Variants in MED26 observed in about 807,000 individuals in gnomAD.
MED26 encodes the protein mediator complex subunit 26, also known as mediator of RNA polymerase II transcription subunit 26.
MED26 carries 7 observed loss-of-function variants against 43.7 expected under a neutral mutation model. That is an observed-to-expected ratio of 0.16 (90% CI 0.09 to 0.30). The LOEUF (loss-of-function observed/expected upper bound fraction) is 0.30. MED26 is among the 10% of genes least tolerant of loss of function. MED26 has a pLI of 1.00. For missense variants in MED26, 784 were observed against 840.6 expected (o/e 0.93, Z 0.83); for synonymous variants, 375 against 371.1 (o/e 1.01, Z -0.12).
chr19:16,625,809 A>G (rs1232214557), intron 1 of MED26, among the ~76,000 whole-genome samples: 2 of 152,186 alleles, frequency 1.3e-5, no homozygotes, highest in Non-Finnish European at 2.9e-5. Flanking sequence ...CGGTCCTGTC[A>G]AATGGCCCAT....
intron 1 of MED26, among the ~76,000 whole-genome samples, chr19:16,613,343 C>T (rs538798643): frequency 8.5e-5 from 13 of 152,190 alleles, no homozygotes; most frequent in African/African-American, 2.9e-4. Context: ...CTCCCTTCTC[C>T]ACAAGAAAAG....
rs540602524 is a variant in MED26 at position 16,622,628 on chromosome 19, A to G, written c.72+5244T>C. On this transcript the variant is annotated intron_variant, in intron 1 of 2. Coordinates refer to ENST00000263390, the MANE Select transcript of MED26 (RefSeq NM_004831.5). ...GTGCTAGCGAGACCACACTGGAATGAAATGTGCTGCCTCTCCTTTACTCAC... is the reference window on the plus strand; with the variant it reads ...GTGCTAGCGAGACCACACTGGAATGGAATGTGCTGCCTCTCCTTTACTCAC... 2.0e-5 allele frequency among the ~76,000 whole-genome samples: 3 copies of G among 152,322 alleles called. No homozygotes were observed. The East Asian group carries it at 5.8e-4, about 29-fold the overall frequency.
Position 16,619,031 on chromosome 19 carries a change from T to A in MED26, c.72+8841A>T, listed in dbSNP as rs957557348. Among the ~76,000 whole-genome samples the A allele has an allele frequency of 5.9e-5, 9 of 152,324 alleles. No individual in the cohort carries two copies. In the South Asian group the frequency reaches 1.9e-3, roughly 32 times the overall value. The stretch of plus-strand genomic sequence containing the variant: ...TTGGGCCTGCATGACCATCAGCCCC[T>A]TTGTGTCTAAGCTCCTGCCACCAGC... On this transcript the variant is annotated intron_variant, in intron 1 of 2. Coordinates refer to ENST00000263390, the MANE Select transcript of MED26 (RefSeq NM_004831.5).
At chr19:16,612,652 C>T (rs902550988) in intron 1 of MED26, among the ~76,000 whole-genome samples, 1 of 152,184 alleles carries the variant, frequency 6.6e-6, no homozygotes, top group African/African-American at 2.4e-5. Context: ...TGAAAGGCAG[C>T]TTCATGTGCA....
intron 1 of MED26, among the ~76,000 whole-genome samples, chr19:16,593,217 G>A (rs955776435): frequency 6.6e-6 from 1 of 152,198 alleles, no homozygotes; most frequent in African/African-American, 2.4e-5. Context: ...GCACCCTCTG[G>A]CCCAGGCTGT....
At chr19:16,598,152 T>C (rs2086131044) in intron 1 of MED26, among the ~76,000 whole-genome samples, 1 of 150,876 alleles carries the variant, frequency 6.6e-6, no homozygotes, top group South Asian at 2.1e-4. Context: ...CTGGCCAAGA[T>C]GGTGAAACCC....
Position 16,577,596 on chromosome 19 carries a change from C to T in MED26, c.234G>A (p.Arg78=). The change falls in exon 3 of 3, where the codon CGG becomes CGA. Residue 78 remains arginine (R), a synonymous_variant. Coordinates refer to ENST00000263390, the MANE Select transcript of MED26 (RefSeq NM_004831.5). The surrounding 1 kb of genome is among the most constrained non-coding windows in gnomAD (Gnocchi z 8.1). Reference sequence around the variant, plus strand: ...CCGGCTCGATGAGCTTCTGCCAGCTCCGCAGCAGCTTCTTGGCCCGCTTGG... The same window carrying T: ...CCGGCTCGATGAGCTTCTGCCAGCTTCGCAGCAGCTTCTTGGCCCGCTTGG... ...ELAKRAKKLL[R]SWQKLIEPAH... 2 of 1,608,026 alleles carry T rather than the reference C, an allele frequency of 1.2e-6. No homozygotes were observed. Among genetic ancestry groups the T allele is most frequent in the Non-Finnish European group, 1.7e-6 (2 of 1,175,474 alleles).
intron 1 of MED26, 139 bp downstream of exon 1, chr19:16,627,733 A>C (rs1163060941): frequency 3.8e-6 from 2 of 519,856 alleles, no homozygotes; most frequent in Admixed American, 8.7e-5. Context: ...GAGAAGCGAG[A>C]GGCAGGGATG....
In MED26 at chr19:16,577,371, C is replaced by T; in HGVS notation, c.459G>A (p.Gln153=). Residue 153 remains glutamine, a synonymous_variant, in exon 3 of 3, where the codon CAG becomes CAA. Transcript: ENST00000263390. This position sits in a 1 kb window ranked among gnomAD's most constrained non-coding sequence, Gnocchi z 8.1. ...GCGGCCCTGGGTGGCCGAGGTCACG[C>T]TGGTCACCCCGGCGCTTGCGGCTGC... ...RLGSRKRRGD[Q]RDLGHPGPPP... 1 of 1,611,028 alleles carries T rather than the reference C, an allele frequency of 6.2e-7. No homozygotes were observed. The highest frequency in any genetic ancestry group is 8.5e-7 in the Non-Finnish European group (1 of 1,178,936).
intron 1 of MED26, among the ~76,000 whole-genome samples, chr19:16,599,256 C>G (rs1268726524): frequency 6.6e-6 from 1 of 152,126 alleles, no homozygotes; most frequent in Non-Finnish European, 1.5e-5. Context: ...AAATGCATAG[C>G]TATCAAAATA....
intron 1 of MED26, among the ~76,000 whole-genome samples, chr19:16,603,274 G>A (rs1300238413): frequency 1.3e-5 from 2 of 152,186 alleles, no homozygotes; most frequent in Non-Finnish European, 2.9e-5. Context: ...GTATTTCCAA[G>A]ATAAGCATGA....
Position 16,577,038 on chromosome 19 carries a change from A to T in MED26, c.792T>A (p.His264Gln), listed in dbSNP as rs747862223. 2.5e-6 allele frequency: 4 copies of T among 1,608,554 alleles called. No homozygotes were observed. The highest frequency in any genetic ancestry group is 3.4e-6 in the Non-Finnish European group (4 of 1,176,348). ...DRVDETPGPP[H>Q]PKGPPRCSFS... is the part of the protein sequence containing the mutation. ...AAGAGCAGCGAGGGGGTCCCTTGGG[A>T]TGGGGAGGCCCCGGAGTCTCGTCCA... The change falls in exon 3 of 3, where the codon CAT (histidine) becomes CAA (glutamine). Residue 264 changes from histidine (H) to glutamine (Q), a missense_variant. Physicochemically the swap from His to Gln is conservative, Grantham distance 24 (BLOSUM62 0). This residue lies in a region of MED26 where 719 missense variants were observed against 730.9 expected (regional missense o/e 0.98). Transcript: ENST00000263390. This position sits in a 1 kb window ranked among gnomAD's most constrained non-coding sequence, Gnocchi z 8.1.
At chr19:16,614,945 T>C (rs1177164311) in intron 1 of MED26, among the ~76,000 whole-genome samples, 1 of 152,216 alleles carries the variant, frequency 6.6e-6, no homozygotes, top group Non-Finnish European at 1.5e-5. Context: ...CCTCCCAGGT[T>C]AGGCAATGCT....
intron 1 of MED26, among the ~76,000 whole-genome samples, chr19:16,620,102 C>G (rs1489651993): frequency 6.6e-6 from 1 of 152,208 alleles, no homozygotes; most frequent in Non-Finnish European, 1.5e-5. Context: ...CACACCCCTT[C>G]TTCAGCCAGT....
chr19:16,594,690 C>A (rs1403637417), intron 1 of MED26, among the ~76,000 whole-genome samples: 1 of 152,058 alleles, frequency 6.6e-6, no homozygotes, highest in African/African-American at 2.4e-5. Flanking sequence ...GCTAACAGCA[C>A]CTCTTCAATA....
chr19:16,576,865 G>C lies in MED26; in HGVS notation c.965C>G (p.Ser322Cys), dbSNP rs755245254. The change falls in exon 3 of 3, where the codon TCC becomes TGC. Residue 322 changes from serine (S) to cysteine (C), a missense_variant. By Grantham distance (112) the Ser-to-Cys change is moderately radical (BLOSUM62 -1). This residue lies in a region of MED26 where 719 missense variants were observed against 730.9 expected (regional missense o/e 0.98). Coordinates refer to ENST00000263390, the MANE Select transcript of MED26 (RefSeq NM_004831.5). The surrounding 1 kb of genome is among the most constrained non-coding windows in gnomAD (Gnocchi z 6.8). ...CTCGAGCCGCCGTACGGGGGGTGTG[G>C]ACGGCTGTGCCAGTGGAAGCGGTGA... ...VPSPLPLAQPSTPPVRRLELL... is the reference protein window; with the variant it reads ...VPSPLPLAQPCTPPVRRLELL... The C allele has an allele frequency of 5.5e-5, 88 of 1,610,554 alleles. No individual in the cohort carries two copies. Among genetic ancestry groups the C allele is most frequent in the Non-Finnish European group, 7.0e-5 (82 of 1,178,536 alleles).
intron 1 of MED26, among the ~76,000 whole-genome samples, chr19:16,615,900 C>G (rs2086224062): frequency 6.6e-6 from 1 of 152,238 alleles, no homozygotes; most frequent in Non-Finnish European, 1.5e-5. Flanking sequence ...CTCACATCCT[C>G]TTCCATTCAA....
intron 1 of MED26, among the ~76,000 whole-genome samples, chr19:16,589,811 G>C (rs867216578): frequency 6.6e-6 from 1 of 152,220 alleles, no homozygotes; most frequent in South Asian, 2.1e-4. Flanking sequence ...TGAATTCCAT[G>C]ATCTTAGAGG....
intron 1 of MED26, among the ~76,000 whole-genome samples, chr19:16,598,178 TA>T (rs1023935042): frequency 6.8e-6 from 1 of 147,946 alleles, no homozygotes. Flanking sequence ...CTACTAAAAA[TA>T]AAAAAAAATT....
Sources: allele counts gnomAD v4.1 joint callset (sites outside exome capture counted in the v4.1 genomes callset), GRCh38; gene constraint gnomAD v4.1.1; regional missense constraint gnomAD v4.1.1; non-coding constraint Gnocchi (gnomAD v3.1); transcripts MANE v1.5; gene names NCBI Gene and HGNC (gene_info 2026-07-23, HGNC 2026-07-21).